The following CA4 variants were observed in gnomAD, a reference collection of about 807,000 sequenced individuals.
CA4 encodes carbonic anhydrase 4.
CA4 carries 24 observed loss-of-function variants against 34.5 expected under a neutral mutation model. The ratio of observed to expected loss-of-function variants is 0.70; its 90% CI spans 0.50 to 0.98. CA4 has a LOEUF of 0.98. Ranked by LOEUF, CA4 falls within the 50% of genes least tolerant of loss-of-function variation. The pLI, the probability that CA4 is intolerant of heterozygous loss-of-function variation, is 0.00. For synonymous variants in CA4, 178 were observed against 170.6 expected (o/e 1.04, Z -0.34); for missense variants, 394 against 396.7 (o/e 0.99, Z 0.06).
chr17:60,158,685 G>T, intron 7 of CA4: 2 of 576,820 alleles, frequency 3.5e-6, no homozygotes, highest in Non-Finnish European at 6.2e-6. Context: ...TGGTGCTGGG[G>T]TTTCTATCAT....
downstream of CA4, among the ~76,000 whole-genome samples, chr17:60,175,819 ATTTTTT>A (rs759618128): frequency 7.2e-6 from 1 of 138,352 alleles, no homozygotes; most frequent in African/African-American, 2.7e-5. Context: ...CATTTTATAC[ATTTTTT>A]TTTTTTTTTT....
At chr17:60,167,450 C>T (rs1035940425) in intron 5 of CA4, among the ~76,000 whole-genome samples, 4 of 152,212 alleles carry the variant, frequency 2.6e-5, no homozygotes, top group African/African-American at 9.6e-5. Flanking sequence ...TGGGGAATCA[C>T]GTCTTAGTCA....
At chr17:60,171,924 T>G (rs2083914665), downstream of CA4, among the ~76,000 whole-genome samples, 1 of 152,244 alleles carries the variant, frequency 6.6e-6, no homozygotes, top group Admixed American at 6.5e-5. Context: ...TGCCAAGTGC[T>G]GAGCAAACAC....
chr17:60,161,984 G>A (rs955938589), downstream of CA4, among the ~76,000 whole-genome samples: 1 of 152,030 alleles, frequency 6.6e-6, no homozygotes, highest in Non-Finnish European at 1.5e-5. Flanking sequence ...TAATGTGGCA[G>A]CAGGACCAGG....
At chr17:60,150,907 G>C (rs1050050705) in intron 1 of CA4, among the ~76,000 whole-genome samples, 1 of 141,972 alleles carries the variant, frequency 7.0e-6, no homozygotes, top group African/African-American at 2.5e-5. Context: ...CTAACCTCCA[G>C]CGCTGAATTG....
intron 1 of CA4, among the ~76,000 whole-genome samples, chr17:60,153,012 G>A (rs1207494879): frequency 6.6e-6 from 1 of 152,210 alleles, no homozygotes; most frequent in Non-Finnish European, 1.5e-5. Flanking sequence ...CCGATATCTG[G>A]AGAGCAAAGG....
At chr17:60,159,689 G>A (rs971070718), downstream of CA4, 17 of 584,886 alleles carry the variant, frequency 2.9e-5, no homozygotes, top group South Asian at 1.4e-4. Context: ...CCCCACTCCC[G>A]TTCTATGTGA....
chr17:60,161,015 G>A (rs1300786352), downstream of CA4, among the ~76,000 whole-genome samples: 1 of 151,872 alleles, frequency 6.6e-6, no homozygotes, highest in Non-Finnish European at 1.5e-5. Flanking sequence ...CAGAACGCAG[G>A]GACAGTTCAG....
Position 60,152,267 on chromosome 17 carries a change from C to T in CA4, c.58+2175C>T, listed in dbSNP as rs190198361. Among the ~76,000 whole-genome samples, 315 of 152,166 alleles carry T rather than the reference C, an allele frequency of 2.1e-3. 1 individual carries two copies. The highest frequency in any genetic ancestry group is 3.7e-3 in the Non-Finnish European group (250 of 68,006). On this transcript the variant is annotated intron_variant, in intron 1 of 7. Coordinates refer to ENST00000300900, the MANE Select transcript of CA4 (RefSeq NM_000717.5). ...TACTTACCTGCAAGGGTGGCCCTCT[C>T]ATTCAACGAAGACAGGAACCTGAGT...
At position 60,158,322 on chromosome 17, in the gene CA4, T is replaced by A. The variant is rs1326880482; in HGVS notation, c.620T>A (p.Leu207Gln). 1.9e-6 allele frequency: 3 copies of A among 1,614,034 alleles called. No individual in the cohort carries two copies. The highest frequency in any genetic ancestry group is 1.7e-6 in the Non-Finnish European group (2 of 1,180,020). The change falls in exon 7 of 8, where the codon CTG (leucine) becomes CAG (glutamine). Residue 207 changes from leucine to glutamine, a missense_variant. Physicochemically the swap from Leu to Gln is moderately radical, Grantham distance 113 (BLOSUM62 -2). Coordinates refer to ENST00000300900, the MANE Select transcript of CA4 (RefSeq NM_000717.5). ...ATGGCAGAGAGCAGCCTGTTGGACC[T>A]GCTCCCCAAGGAGGAGAAACTGAGG... ...TTMAESSLLD[L>Q]LPKEEKLRHY...
chr17:60,157,362 G>C, intron 3 of CA4, 65 bp from the exon 4 acceptor site: 1 of 1,588,708 alleles, frequency 6.3e-7, no homozygotes, highest in Non-Finnish European at 8.6e-7. Context: ...GGTGAAGCTG[G>C]GATGAAGAGC....
At chr17:60,157,633 AAGG>A (rs1275240758) in intron 4 of CA4, 54 bp from the exon 5 acceptor site, 1 of 1,613,310 alleles carries the variant, frequency 6.2e-7, no homozygotes, top group African/African-American at 1.3e-5. Flanking sequence ...TGCCTTGGGC[AAGG>A]AGGGTAGTCC....
intron 7 of CA4, 185 bp from the exon 8 acceptor site, chr17:60,159,045 A>T: frequency 1.5e-6 from 1 of 647,552 alleles, no homozygotes; most frequent in Admixed American, 2.5e-5. Context: ...GCCTTCACCC[A>T]TGCCACGCAC....
At position 60,158,453 on chromosome 17, in the gene CA4, A is replaced by G; in HGVS notation, c.744+7A>G. On this transcript the variant is annotated splice_region_variant and intron_variant, in intron 7 of 7. Transcript: ENST00000300900. The stretch of plus-strand genomic sequence containing the variant: ...TCAGCTTCACAGAGAACAGGTGCAC[A>G]GGGCCTGGGGCAGGGCATGGGCTCC... The G allele has an allele frequency of 1.2e-6, 2 of 1,613,378 alleles. No homozygotes were observed. Among genetic ancestry groups the G allele is most frequent in the Non-Finnish European group, 1.7e-6 (2 of 1,179,876 alleles).
intron 5 of CA4, 94 bp downstream of exon 5, chr17:60,157,882 G>T: frequency 6.7e-7 from 1 of 1,501,660 alleles, no homozygotes; most frequent in Non-Finnish European, 9.1e-7. Context: ...GCAGGAGGGG[G>T]CGGGGAGACT....
At chr17:60,151,834 C>T (rs1597985092) in intron 1 of CA4, among the ~76,000 whole-genome samples, 1 of 152,116 alleles carries the variant, frequency 6.6e-6, no homozygotes, top group Admixed American at 6.5e-5. Flanking sequence ...TTGCATATGG[C>T]GACCCCCAGA....
chr17:60,151,170 C>G (rs2083585686), intron 1 of CA4, among the ~76,000 whole-genome samples: 1 of 152,156 alleles, frequency 6.6e-6, no homozygotes, highest in Non-Finnish European at 1.5e-5. Context: ...CACCGGAAGA[C>G]CCCCTCTGCC....
intron 1 of CA4, among the ~76,000 whole-genome samples, chr17:60,150,866 C>T (rs1192895383): frequency 1.3e-5 from 2 of 151,406 alleles, no homozygotes; most frequent in Admixed American, 6.6e-5. Context: ...GGGTTCCTTG[C>T]CCCTGAGGGT....
At chr17:60,156,491 G>T in intron 2 of CA4, 69 bp from the exon 3 acceptor site, 1 of 1,509,820 alleles carries the variant, frequency 6.6e-7, no homozygotes. Flanking sequence ...CCTGACTTCA[G>T]TGGGGTGGTG....
Sources: allele counts gnomAD v4.1 joint callset (sites outside exome capture counted in the v4.1 genomes callset), GRCh38; gene constraint gnomAD v4.1.1; transcripts MANE v1.5; gene names NCBI Gene and HGNC (gene_info 2026-07-23, HGNC 2026-07-21).